The following DNAAF9 variants were observed in gnomAD, a reference collection of about 807,000 sequenced individuals.
DNAAF9 encodes the protein shulin.
DNAAF9 carries 90 observed loss-of-function variants against 167.0 expected under a neutral mutation model. The observed-to-expected ratio is 0.54, with a 90% CI of 0.45 to 0.64. The LOEUF is 0.64. Among genes scored for constraint, DNAAF9 ranks in the 30% least tolerant of loss-of-function variants. DNAAF9 has a pLI of 0.00. For synonymous variants in DNAAF9, 491 were observed against 508.8 expected (o/e 0.96, Z 0.47); for missense variants, 1,315 against 1,442.2 (o/e 0.91, Z 1.43).
intron 17 of DNAAF9, among the ~76,000 whole-genome samples, chr20:3,317,548 A>T (rs1030193391): frequency 2.0e-5 from 3 of 152,186 alleles, no homozygotes; most frequent in Non-Finnish European, 4.4e-5. Context: ...ATAAATCTTT[A>T]GAATATTTTG....
rs2068274912 is a variant in DNAAF9, at chr20:3,256,074, G to C, written c.3193C>G (p.Leu1065Val). The C allele has an allele frequency of 6.2e-7, 1 of 1,614,130 alleles. No individual in the cohort carries two copies. Residue 1065 changes from leucine to valine, a missense_variant, in exon 34 of 37, where the codon CTT (leucine) becomes GTT (valine). Coordinates refer to ENST00000252032, the MANE Select transcript of DNAAF9 (RefSeq NM_001009984.3). ...TTCAGGGAGCAGCCGATGAACACAA[G>C]GTAGCACTCCTGCTGCCCGCTGCTG... Reference protein sequence around the residue: ...QDSSGQQECYLVFIGCSLKED... With the variant: ...QDSSGQQECYVVFIGCSLKED...
chr20:3,351,603 C>T (rs759528465), intron 7 of DNAAF9, among the ~76,000 whole-genome samples: 1 of 151,994 alleles, frequency 6.6e-6, no homozygotes, highest in Non-Finnish European at 1.5e-5. Context: ...TTAAAAGAAA[C>T]CGAAAACACA....
chr20:3,360,522 T>C lies in DNAAF9; in HGVS notation c.613-929A>G, dbSNP rs149580423. ...TTTACACAATGAATTGCTTTTATTT[T>C]GGTATGCATCCAAATTTCAGCATTT... On this transcript the variant is annotated intron_variant, in intron 6 of 36. Coordinates refer to ENST00000252032, the MANE Select transcript of DNAAF9 (RefSeq NM_001009984.3). Among the ~76,000 whole-genome samples the C allele has an allele frequency of 2.6e-3, 399 of 152,340 alleles. 4 individuals carry two copies. The highest frequency in any genetic ancestry group is 0.017 in the East Asian group (90 of 5,186).
At chr20:3,407,392 G>T in intron 1 of DNAAF9, 83 bp downstream of exon 1, 2 of 1,106,562 alleles carry the variant, frequency 1.8e-6, no homozygotes, top group Non-Finnish European at 2.3e-6. Context: ...GTCGGACCAC[G>T]CCCTGCGGCG....
intron 12 of DNAAF9, among the ~76,000 whole-genome samples, chr20:3,330,206 GA>G (rs1455869918): frequency 6.6e-6 from 1 of 152,118 alleles, no homozygotes; most frequent in African/African-American, 2.4e-5. Context: ...AGAAACTTGG[GA>G]AACAACACAG....
Position 3,407,466 on chromosome 20 carries a change from C to T in DNAAF9, c.83+9G>A, listed in dbSNP as rs2084079625. The T allele has an allele frequency of 1.5e-6, 2 of 1,311,872 alleles. No individual in the cohort carries two copies. Among genetic ancestry groups the T allele is most frequent in the Non-Finnish European group, 1.9e-6 (2 of 1,033,300 alleles). The allele number at this position is 1,311,872 out of a possible 1,614,324, so 81.3% of individuals were successfully genotyped here. ...CCGGCCGCCCCTCGGCTGCCTCTGC[C>T]CCGCGTACCTGACGGAGGGTGACCC... is the stretch of plus-strand genomic sequence containing the variant. On this transcript the variant is annotated intron_variant, in intron 1 of 36. Coordinates refer to ENST00000252032, the MANE Select transcript of DNAAF9 (RefSeq NM_001009984.3).
Position 3,324,988 on chromosome 20 carries a change from C to T in DNAAF9, c.1189-20G>A, listed in dbSNP as rs377571562. ...CTTGGCCTGTAAAATAATAAGACAG[C>T]GACAATTAGCTTTCACAGCAGGAAA... On this transcript the variant is annotated intron_variant, in intron 13 of 36. Transcript: ENST00000252032. 38 of 1,415,286 alleles carry T rather than the reference C, an allele frequency of 2.7e-5. No individual in the cohort carries two copies. The African/African-American group carries it at 3.1e-4, about 11-fold the overall frequency. 87.7% of individuals were successfully genotyped at this position (1,415,286 alleles called of 1,614,324 possible).
chr20:3,271,038 C>T (rs2068584436), intron 29 of DNAAF9, among the ~76,000 whole-genome samples: 1 of 151,982 alleles, frequency 6.6e-6, no homozygotes, highest in African/African-American at 2.4e-5. Context: ...GTCTTGAACT[C>T]CTGACCTCAG....
At position 3,283,421 on chromosome 20, in the gene DNAAF9, C is replaced by A. The variant is rs114589237; in HGVS notation, c.2487-1655G>T. ...CAGCTGGCAGTGCTTCAGTAGAGAA[C>A]GGGGTTTACTAGGTTCTAAGAGTTC... is the stretch of plus-strand genomic sequence containing the variant. On this transcript the variant is annotated intron_variant, in intron 27 of 36. Coordinates refer to ENST00000252032, the MANE Select transcript of DNAAF9 (RefSeq NM_001009984.3). Among the ~76,000 whole-genome samples, 1,373 of 152,368 alleles carry A rather than the reference C, an allele frequency of 9.0e-3. 20 individuals carry two copies. Among genetic ancestry groups the A allele is most frequent in the African/African-American group, 0.032 (1,319 of 41,592 alleles).
At chr20:3,399,823 G>C (rs1000038235) in intron 1 of DNAAF9, among the ~76,000 whole-genome samples, 1 of 152,116 alleles carries the variant, frequency 6.6e-6, no homozygotes, top group Non-Finnish European at 1.5e-5. Context: ...TAACAGGACC[G>C]GCCTGCCTTC....
chr20:3,397,158 G>A (rs1280724168), intron 1 of DNAAF9, among the ~76,000 whole-genome samples: 2 of 151,658 alleles, frequency 1.3e-5, no homozygotes, highest in Non-Finnish European at 2.9e-5. Flanking sequence ...GAGTTGAGAG[G>A]ATTGCTTGAG....
chr20:3,366,991 T>A (rs1373322821), intron 6 of DNAAF9, among the ~76,000 whole-genome samples: 1 of 152,136 alleles, frequency 6.6e-6, no homozygotes, highest in Non-Finnish European at 1.5e-5. Flanking sequence ...GGCATCGTCT[T>A]CTTATACAAG....
At chr20:3,269,585 A>G (rs2068555148) in intron 30 of DNAAF9, among the ~76,000 whole-genome samples, 1 of 152,156 alleles carries the variant, frequency 6.6e-6, no homozygotes, top group African/African-American at 2.4e-5. Context: ...TCAATGGATG[A>G]GAATGTGAAT....
intron 6 of DNAAF9, among the ~76,000 whole-genome samples, chr20:3,360,352 A>C (rs980971427): frequency 6.6e-6 from 1 of 152,168 alleles, no homozygotes; most frequent in Non-Finnish European, 1.5e-5. Flanking sequence ...CTCGGACTCA[A>C]GTAATCCACC....
chr20:3,352,845 T>TA (rs1337748109), intron 7 of DNAAF9, among the ~76,000 whole-genome samples: 6 of 67,680 alleles, frequency 8.9e-5, no homozygotes, highest in African/African-American at 2.5e-4. Context: ...GTTCAAAATA[T>TA]TTATATATAT....
chr20:3,319,162 C>T (rs541992559), intron 16 of DNAAF9, among the ~76,000 whole-genome samples: 2 of 141,172 alleles, frequency 1.4e-5, no homozygotes, highest in South Asian at 4.6e-4. Context: ...ATTCAGGAGG[C>T]TAAGGCAGGA....
At chr20:3,256,277 G>C in intron 33 of DNAAF9, 66 bp from the exon 34 acceptor site, 1 of 1,119,266 alleles carries the variant, frequency 8.9e-7, no homozygotes, top group Non-Finnish European at 1.4e-6. Context: ...TGCTAAGACT[G>C]TGACAATGCA....
intron 1 of DNAAF9, among the ~76,000 whole-genome samples, chr20:3,391,188 G>A (rs1031241104): frequency 6.6e-6 from 1 of 152,132 alleles, no homozygotes. Context: ...ATCAAATGGT[G>A]AAACTAAATT....
At chr20:3,354,595 T>C (rs2083260419) in intron 7 of DNAAF9, among the ~76,000 whole-genome samples, 2 of 152,364 alleles carry the variant, frequency 1.3e-5, no homozygotes, top group Middle Eastern at 3.4e-3. Flanking sequence ...AGCAGAGGAC[T>C]ATTCTGGCAC....
Sources: allele counts gnomAD v4.1 joint callset (sites outside exome capture counted in the v4.1 genomes callset), GRCh38; gene constraint gnomAD v4.1.1; transcripts MANE v1.5; gene names NCBI Gene and HGNC (gene_info 2026-07-23, HGNC 2026-07-21).